Variants in RAB27B observed in about 807,000 individuals in gnomAD.
RAB27B encodes RAB27B, member RAS oncogene family, also known as ras-related protein Rab-27B.
RAB27B carries 15 observed loss-of-function variants against 24.6 expected under a neutral mutation model. That is an observed-to-expected ratio of 0.61 (90% CI 0.41 to 0.94). RAB27B has a LOEUF of 0.94. Among genes scored for constraint, RAB27B ranks in the 40% least tolerant of loss-of-function variants. The pLI, the probability that RAB27B is intolerant of heterozygous loss-of-function variation, is 0.00. For synonymous variants in RAB27B, 105 were observed against 92.5 expected (o/e 1.14, Z -0.78); for missense variants, 261 against 266.8 (o/e 0.98, Z 0.15).
intron 1 of RAB27B, among the ~76,000 whole-genome samples, chr18:54,871,849 C>CA (rs11388519): frequency 0.38 from 32,443 of 85,564 alleles, 6,528 homozygotes; most frequent in Non-Finnish European, 0.5. Flanking sequence ...GACTCCATCT[C>CA]AAAAAAAAAA....
At chr18:54,878,038 A>C (rs1303520697) in intron 2 of RAB27B, among the ~76,000 whole-genome samples, 1 of 152,166 alleles carries the variant, frequency 6.6e-6, no homozygotes, top group Non-Finnish European at 1.5e-5. Context: ...CAAAACTTGA[A>C]TTATTAGAAT....
At chr18:54,807,447 T>G (rs1297997630) in intron 2 of RAB27B, among the ~76,000 whole-genome samples, 1 of 152,156 alleles carries the variant, frequency 6.6e-6, no homozygotes, top group African/African-American at 2.4e-5. Flanking sequence ...CCTTCTTGTT[T>G]TAAGGACATA....
At chr18:54,802,510 C>G (rs1350222211) in intron 2 of RAB27B, among the ~76,000 whole-genome samples, 1 of 152,196 alleles carries the variant, frequency 6.6e-6, no homozygotes, top group Non-Finnish European at 1.5e-5. Context: ...ACTGAACGGT[C>G]AGCAACTGGG....
At chr18:54,850,585 T>C (rs1391461585) in intron 1 of RAB27B, among the ~76,000 whole-genome samples, 2 of 150,738 alleles carry the variant, frequency 1.3e-5, no homozygotes, top group African/African-American at 4.9e-5. Context: ...CAGGCTGGTC[T>C]CAAACTCCTG....
intron 2 of RAB27B, among the ~76,000 whole-genome samples, chr18:54,799,952 A>G (rs1248505733): frequency 2.0e-5 from 3 of 152,108 alleles, no homozygotes; most frequent in Non-Finnish European, 4.4e-5. Context: ...AGCCAATAAA[A>G]TGATTTTTTA....
At chr18:54,818,830 G>T (rs1910202413) in intron 2 of RAB27B, among the ~76,000 whole-genome samples, 1 of 152,152 alleles carries the variant, frequency 6.6e-6, no homozygotes, top group East Asian at 1.9e-4. Context: ...TCCTAATCGT[G>T]TTTTTTAAAA....
At chr18:54,806,012 A>T (rs996687602) in intron 2 of RAB27B, among the ~76,000 whole-genome samples, 137 of 152,292 alleles carry the variant, frequency 9.0e-4, no homozygotes, top group Non-Finnish European at 1.8e-3. Context: ...TATAGCTTCT[A>T]ATTTAGCTGT....
intron 2 of RAB27B, among the ~76,000 whole-genome samples, chr18:54,808,719 C>T (rs1475271911): frequency 6.6e-6 from 1 of 152,202 alleles, no homozygotes; most frequent in Non-Finnish European, 1.5e-5. Context: ...CACACACATA[C>T]ATATACACAC....
rs73956712 is a variant in RAB27B, at chr18:54,848,407, A to G, written c.-20+19707A>G. On this transcript the variant is annotated intron_variant, in intron 1 of 5. Coordinates refer to ENST00000262094, the MANE Select transcript of RAB27B (RefSeq NM_004163.4). ...AATATTAAATAGGAAAAATCATGGAATTTATTCATAAATAGATGTACATCT... is the reference window on the plus strand; with the variant it reads ...AATATTAAATAGGAAAAATCATGGAGTTTATTCATAAATAGATGTACATCT... 1.8e-3 allele frequency among the ~76,000 whole-genome samples: 277 copies of G among 152,270 alleles called. 2 individuals carry two copies. Among genetic ancestry groups the G allele is most frequent in the African/African-American group, 6.5e-3 (269 of 41,542 alleles).
intron 1 of RAB27B, among the ~76,000 whole-genome samples, chr18:54,861,920 A>G (rs553423108): frequency 5.1e-4 from 77 of 152,286 alleles, no homozygotes; most frequent in African/African-American, 1.7e-3. Flanking sequence ...ATCGCATCAC[A>G]AGTGTTTTCA....
At chr18:54,769,475 A>C (rs1283932269) in intron 2 of RAB27B, among the ~76,000 whole-genome samples, 1 of 143,704 alleles carries the variant, frequency 7.0e-6, no homozygotes, top group African/African-American at 2.5e-5. Context: ...TGTTGTTGTT[A>C]ATTTTTGAGA....
At chr18:54,767,175 A>C (rs1484704046) in intron 2 of RAB27B, among the ~76,000 whole-genome samples, 2 of 152,288 alleles carry the variant, frequency 1.3e-5, no homozygotes, top group East Asian at 3.9e-4. Flanking sequence ...TGCTTACAGG[A>C]ATGAAACACC....
At chr18:54,735,686 AT>A (rs984657215) in intron 2 of RAB27B, among the ~76,000 whole-genome samples, 3 of 151,682 alleles carry the variant, frequency 2.0e-5, no homozygotes, top group African/African-American at 7.3e-5. Context: ...TTAATTTTTT[AT>A]TTTTTTATAT....
At chr18:54,767,692 CA>C (rs1278348808) in intron 2 of RAB27B, among the ~76,000 whole-genome samples, 2 of 152,188 alleles carry the variant, frequency 1.3e-5, no homozygotes, top group African/African-American at 4.8e-5. Flanking sequence ...GGTCTGTCCA[CA>C]ACCAGCTGAA....
chr18:54,787,520 G>C (rs971106618), intron 2 of RAB27B, among the ~76,000 whole-genome samples: 6 of 152,156 alleles, frequency 3.9e-5, no homozygotes, highest in Non-Finnish European at 1.5e-5. Flanking sequence ...CCTGTTCAGA[G>C]AGAAGGCCTT....
chr18:54,796,558 G>A (rs989349085), intron 2 of RAB27B, among the ~76,000 whole-genome samples: 3 of 152,184 alleles, frequency 2.0e-5, no homozygotes, highest in Non-Finnish European at 4.4e-5. Flanking sequence ...AGGATGCCCA[G>A]AGGCAGACTC....
At position 54,799,294 on chromosome 18, in the gene RAB27B, A is replaced by G. The variant is rs146932468; in HGVS notation, c.-19-78273A>G. The stretch of plus-strand genomic sequence containing the variant: ...TGACAGAAAATGTACCCCTAACTTA[A>G]TGGCACTTTGCTTTCACTAGTGATT... On this transcript the variant is annotated intron_variant, in intron 2 of 4. Transcript: ENST00000586570. 1.8e-3 allele frequency among the ~76,000 whole-genome samples: 281 copies of G among 152,256 alleles called. 3 individuals carry two copies. Among genetic ancestry groups the G allele is most frequent in the Admixed American group, 0.016 (252 of 15,294 alleles).
Position 54,889,354 on chromosome 18 carries a change from G to C in RAB27B, c.598G>C (p.Gly200Arg). 2 of 1,613,226 alleles carry C rather than the reference G, an allele frequency of 1.2e-6. No individual in the cohort carries two copies. The highest frequency in any genetic ancestry group is 1.7e-6 in the Non-Finnish European group (2 of 1,179,438). Residue 200 changes from glycine (G) to arginine (R), a missense_variant, in exon 6 of 6, where the codon GGT (glycine) becomes CGT (arginine). Coordinates refer to ENST00000262094, the MANE Select transcript of RAB27B (RefSeq NM_004163.4). Reference sequence around the variant, plus strand: ...GACACAAATCCCTGATACTGTCAATGGTGGAAATTCTGGAAACTTGGATGG... The same window carrying C: ...GACACAAATCCCTGATACTGTCAATCGTGGAAATTCTGGAAACTTGGATGG... ...EKTQIPDTVN[G>R]GNSGNLDGEK...
At chr18:54,869,721 G>T in intron 1 of RAB27B, among the ~76,000 whole-genome samples, 1 of 152,080 alleles carries the variant, frequency 6.6e-6, no homozygotes, top group South Asian at 2.1e-4. Context: ...AAATAACACT[G>T]GTGCTTTGTT....
Sources: allele counts gnomAD v4.1 joint callset (sites outside exome capture counted in the v4.1 genomes callset), GRCh38; gene constraint gnomAD v4.1.1; transcripts MANE v1.5; gene names NCBI Gene and HGNC (gene_info 2026-07-23, HGNC 2026-07-21).